The following TTC7A variants were observed in gnomAD, a reference collection of about 807,000 sequenced individuals.
The protein encoded by TTC7A is tetratricopeptide repeat domain 7A.
A neutral mutation model predicts 103.7 loss-of-function variants in TTC7A; 110 were observed. The ratio of observed to expected loss-of-function variants is 1.06; its 90% CI spans 0.91 to 1.24. The LOEUF is 1.24. TTC7A is among the 50% of genes most tolerant of loss of function. The probability of loss-of-function intolerance (pLI) is 0.00; values close to 1 mark genes in which losing one functional copy is unlikely to be tolerated. For missense variants in TTC7A, 1,340 were observed against 1,116.3 expected, an observed-to-expected ratio of 1.20 and a Z score of -2.86; for synonymous variants, 521 against 467.9, an observed-to-expected ratio of 1.11 and a Z score of -1.47.
At chr2:47,011,179 C>A in intron 10 of TTC7A, 152 bp from the exon 11 acceptor site, 1 of 594,902 alleles carries the variant, frequency 1.7e-6, no homozygotes, top group Non-Finnish European at 2.8e-6. Flanking sequence ...CCTGCCGACA[C>A]TGCCTAGGCT....
chr2:46,960,651 A>G (rs1384078809), intron 3 of TTC7A, among the ~76,000 whole-genome samples: 1 of 152,190 alleles, frequency 6.6e-6, no homozygotes, highest in Non-Finnish European at 1.5e-5. Context: ...TGTTTAATAA[A>G]TATTTGTTGA....
In TTC7A at chr2:46,941,379, C is replaced by G. The variant is rs1024435053; in HGVS notation, c.-163C>G. On this transcript the variant is annotated 5_prime_UTR_variant, in exon 1 of 20. Coordinates refer to ENST00000319190, the MANE Select transcript of TTC7A (RefSeq NM_020458.4). This position sits in a 1 kb window ranked among gnomAD's most constrained non-coding sequence, Gnocchi z 4.2. The stretch of plus-strand genomic sequence containing the variant: ...GGAGCTGCTGGTGCTGCTGCTGCTG[C>G]TGCTGCCCACCCTCCGCCGCCCGGG... The G allele has an allele frequency of 6.2e-6, 3 of 480,836 alleles. No homozygotes were observed. Among genetic ancestry groups the G allele is most frequent in the Non-Finnish European group, 8.9e-6 (3 of 335,988 alleles). The allele number at this position is 480,836 out of a possible 1,614,324, so 29.8% of individuals were successfully genotyped here. A position where few individuals can be genotyped will look rare whatever the true frequency, so the allele number is the denominator to read the frequency against.
rs904209720 is a variant in TTC7A at position 47,067,829 on chromosome 2, C to T, written c.2356-5873C>T. The T allele has an allele frequency of 1.2e-4, 18 of 151,834 alleles. 1 individual carries two copies. In the South Asian group the frequency reaches 1.3e-3, roughly 11 times the overall value. The allele number at this position is 151,834 out of a possible 1,614,324, so 9.4% of individuals were successfully genotyped here. A position where few individuals can be genotyped will look rare whatever the true frequency, so the allele number is the denominator to read the frequency against. ...TTATGTTTTTCACTTTGAAGCATAG[C>T]TGCCGGGCCATGTTCAGATGCTCTT... On this transcript the variant is annotated intron_variant, in intron 19 of 19. Transcript: ENST00000319190.
Position 46,950,386 on chromosome 2 carries a change from G to A in TTC7A, c.208G>A (p.Ala70Thr), listed in dbSNP as rs367596523. Reference sequence around the variant, plus strand: ...AGATGACTTTGGGAAATTGCTGCTGGCTGAGGCCCTCCTGGAGCAGTGTTT... The same window carrying A: ...AGATGACTTTGGGAAATTGCTGCTGACTGAGGCCCTCCTGGAGCAGTGTTT... ...DTDDFGKLLLAEALLEQCLKE... is the reference protein window; with the variant it reads ...DTDDFGKLLLTEALLEQCLKE... The change falls in exon 2 of 20, where the codon GCT becomes ACT. Residue 70 changes from alanine (A) to threonine (T), a missense_variant. Physicochemically the swap from Ala to Thr is moderately conservative, Grantham distance 58. Coordinates refer to ENST00000319190, the MANE Select transcript of TTC7A (RefSeq NM_020458.4). 3.9e-5 allele frequency: 63 copies of A among 1,613,998 alleles called. No homozygotes were observed. Among genetic ancestry groups the A allele is most frequent in the Admixed American group, 8.3e-5 (5 of 60,000 alleles).
chr2:46,962,595 G>T (rs1314982429), intron 3 of TTC7A, among the ~76,000 whole-genome samples: 3 of 152,234 alleles, frequency 2.0e-5, no homozygotes, highest in African/African-American at 7.2e-5. Context: ...AGGGGAAGCA[G>T]CTGTTTGGAA....
intron 5 of TTC7A, among the ~76,000 whole-genome samples, chr2:46,990,034 T>C (rs1295112732): frequency 6.6e-6 from 1 of 152,196 alleles, no homozygotes; most frequent in African/African-American, 2.4e-5. Flanking sequence ...GGCCTCTTGG[T>C]AGCAGGTGCC....
chr2:47,053,539 TTTGTTTGGTTGG>T (rs1294430320), intron 18 of TTC7A, among the ~76,000 whole-genome samples: 3,588 of 66,126 alleles, frequency 0.054, 138 homozygotes, highest in African/African-American at 0.17. Context: ...TTTTTGTTTG[TTTGTTTGGTTGG>T]TTGGTTGGTT....
chr2:46,993,626 G>A (rs1297177652), intron 6 of TTC7A, 98 bp downstream of exon 6: 2 of 1,124,816 alleles, frequency 1.8e-6, no homozygotes. Flanking sequence ...AGGGGTGGCA[G>A]TAGGTCTCCT....
Position 47,005,567 on chromosome 2 carries a change from C to T in TTC7A, c.1066-355C>T, listed in dbSNP as rs116944201. Among the ~76,000 whole-genome samples, 53 of 152,148 alleles carry T rather than the reference C, an allele frequency of 3.5e-4. No individual in the cohort carries two copies. The East Asian group carries it at 9.7e-3, about 28-fold the overall frequency. ...GTATGATCCTGGACTGGATCCTGGA[C>T]AATAATAGTTATATAGAGAGAGGAA... On this transcript the variant is annotated intron_variant, in intron 8 of 19. Transcript: ENST00000319190.
At position 46,994,482 on chromosome 2, in the gene TTC7A, C is replaced by T. The variant is rs139339890; in HGVS notation, c.969C>T (p.Ala323=). The T allele has an allele frequency of 6.2e-7, 1 of 1,613,912 alleles. No individual in the cohort carries two copies. The highest frequency in any genetic ancestry group is 1.3e-5 in the African/African-American group (1 of 74,866). ...AGGAGAGTTCTTTCGCCACTCAGGC[C>T]CTGCGGAAACCTCACCTCTATGAAG... is the stretch of plus-strand genomic sequence containing the variant. ...GKEESSFATQ[A]LRKPHLYEGD... Residue 323 remains alanine (A), a synonymous_variant, in exon 7 of 20, where the codon GCC becomes GCT. Coordinates refer to ENST00000319190, the MANE Select transcript of TTC7A (RefSeq NM_020458.4).
chr2:47,033,925 G>A (rs1003356051), intron 15 of TTC7A, among the ~76,000 whole-genome samples: 2 of 152,192 alleles, frequency 1.3e-5, no homozygotes, highest in Non-Finnish European at 2.9e-5. Flanking sequence ...GAGCTCCTTG[G>A]CTGCACAAGA....
chr2:47,047,669 C>CT, intron 16 of TTC7A, among the ~76,000 whole-genome samples: 1 of 152,358 alleles, frequency 6.6e-6, no homozygotes, highest in Non-Finnish European at 1.5e-5. Flanking sequence ...TGGATGGCTG[C>CT]TTGTCTCTTC....
At chr2:46,956,708 A>G in intron 2 of TTC7A, 131 bp from the exon 3 acceptor site, 1 of 929,138 alleles carries the variant, frequency 1.1e-6, no homozygotes, top group East Asian at 2.4e-5. Context: ...CTTGAGCATC[A>G]AAGAAGGCTT....
chr2:46,975,236 A>G (rs1673762321), intron 4 of TTC7A, 133 bp downstream of exon 4: 2 of 1,198,920 alleles, frequency 1.7e-6, no homozygotes, highest in Non-Finnish European at 2.3e-6. Flanking sequence ...AAGACACTCT[A>G]CTTCATAGTT....
rs926845575 is a variant in TTC7A, at chr2:46,941,427, G to A, written c.-115G>A. The A allele has an allele frequency of 1.4e-5, 16 of 1,140,542 alleles. No homozygotes were observed. Among genetic ancestry groups the A allele is most frequent in the South Asian group, 9.8e-5 (3 of 30,602 alleles). 70.7% of individuals were successfully genotyped at this position (1,140,542 alleles called of 1,614,324 possible). On this transcript the variant is annotated 5_prime_UTR_variant, in exon 1 of 20. Coordinates refer to ENST00000319190, the MANE Select transcript of TTC7A (RefSeq NM_020458.4). The surrounding 1 kb of genome is among the most constrained non-coding windows in gnomAD (Gnocchi z 4.2). ...GGGCCCCCGCTGCCGCCCGGGCCCC[G>A]GCTGCCGTCTGCGCCCCCGTCGACC...
At chr2:47,040,139 A>T (rs1028652739) in intron 15 of TTC7A, among the ~76,000 whole-genome samples, 1 of 152,220 alleles carries the variant, frequency 6.6e-6, no homozygotes, top group Non-Finnish European at 1.5e-5. Context: ...CTCTGGCAGC[A>T]TCCTGACGAG....
intron 3 of TTC7A, chr2:46,974,569 G>A (rs1175800535): frequency 1.1e-5 from 5 of 436,790 alleles, no homozygotes; most frequent in East Asian, 1.4e-4. Flanking sequence ...TGAAGGGAAG[G>A]TAAAGGTTAT....
At chr2:46,986,330 G>C (rs1049190339) in intron 5 of TTC7A, among the ~76,000 whole-genome samples, 2 of 152,202 alleles carry the variant, frequency 1.3e-5, no homozygotes, top group African/African-American at 4.8e-5. Flanking sequence ...TTTAGGTGAC[G>C]AAGCCCAGAG....
At chr2:46,981,430 G>T (rs1181147487) in intron 5 of TTC7A, among the ~76,000 whole-genome samples, 1 of 152,120 alleles carries the variant, frequency 6.6e-6, no homozygotes, top group Admixed American at 6.5e-5. Context: ...ACTGTGGCAG[G>T]TCAGGCTTGA....
Sources: gnomAD v4.1 joint callset for allele counts (sites outside exome capture counted in the v4.1 genomes callset) on GRCh38, gnomAD v4.1.1 for gene constraint, Gnocchi (gnomAD v3.1) non-coding constraint, MANE v1.5 for transcripts, NCBI Gene and HGNC (gene_info 2026-07-23, HGNC 2026-07-21) for gene names.